Variants in GSX1 observed in about 807,000 individuals in gnomAD.
The protein encoded by GSX1 is GS homeobox 1, also known as GS homeo box protein 1.
In GSX1, 13 loss-of-function variants were observed where a neutral mutation model predicts 17.7. The observed-to-expected ratio is 0.74, with a 90% CI of 0.48 to 1.17. The LOEUF is 1.17. GSX1 is among the 50% of genes most tolerant of loss of function. The pLI, the probability that GSX1 is intolerant of heterozygous loss-of-function variation, is 0.00. For missense variants in GSX1, 371 were observed against 372.1 expected (o/e 1.00, Z 0.02); for synonymous variants, 202 against 176.2 (o/e 1.15, Z -1.16).
In GSX1 at chr13:27,794,036, G is replaced by A. The variant is rs1427305203; in HGVS notation, c.*88G>A. The stretch of plus-strand genomic sequence containing the variant: ...ACTCAGCGCTGATTCCCAGGCACCC[G>A]CAGCCAAACCACTGCCTGGCATGGA... On this transcript the variant is annotated 3_prime_UTR_variant, in exon 2 of 2. Coordinates refer to ENST00000302945, the MANE Select transcript of GSX1 (RefSeq NM_145657.3). The A allele has an allele frequency of 2.1e-6, 3 of 1,396,016 alleles. No homozygotes were observed. Among genetic ancestry groups the A allele is most frequent in the East Asian group, 2.3e-5 (1 of 43,034 alleles). 86.5% of individuals were successfully genotyped at this position (1,396,016 alleles called of 1,614,324 possible). A position where few individuals can be genotyped will look rare whatever the true frequency, so the allele number is the denominator to read the frequency against.
chr13:27,793,817 G>A lies in GSX1; in HGVS notation c.664G>A (p.Gly222Ser). 6.2e-7 allele frequency: 1 copy of A among 1,613,222 alleles called. No homozygotes were observed. Among genetic ancestry groups the A allele is most frequent in the Non-Finnish European group, 8.5e-7 (1 of 1,179,580 alleles). ...RGGGGGGAGG[G>S]GSAPQGCKCA... ...CGGCGGCGGCGGGGGTGCCGGTGGT[G>A]GCGGGAGCGCACCGCAAGGCTGCAA... The change falls in exon 2 of 2, where the codon GGC (glycine) becomes AGC (serine). Residue 222 changes from glycine (G) to serine (S), a missense_variant. Gly to Ser is a moderately conservative substitution (Grantham distance 56). Coordinates refer to ENST00000302945, the MANE Select transcript of GSX1 (RefSeq NM_145657.3). This position sits in a 1 kb window ranked among gnomAD's most constrained non-coding sequence, Gnocchi z 6.2.
In GSX1 at chr13:27,793,484, G is replaced by A. The variant is rs1446667572; in HGVS notation, c.413-82G>A. On this transcript the variant is annotated intron_variant, in intron 1 of 1. Coordinates refer to ENST00000302945, the MANE Select transcript of GSX1 (RefSeq NM_145657.3). This position sits in a 1 kb window ranked among gnomAD's most constrained non-coding sequence, Gnocchi z 6.2. Reference sequence around the variant, plus strand: ...AGATGGGTAAGAGGTCAAAGTCGTAGGATTCTGGCGACCGCCTACCAAGGG... The same window carrying A: ...AGATGGGTAAGAGGTCAAAGTCGTAAGATTCTGGCGACCGCCTACCAAGGG... 3.6e-6 allele frequency: 5 copies of A among 1,402,950 alleles called. No homozygotes were observed. Among genetic ancestry groups the A allele is most frequent in the African/African-American group, 2.9e-5 (2 of 70,114 alleles). The allele number at this position is 1,402,950 out of a possible 1,614,324, so 86.9% of individuals were successfully genotyped here. A position where few individuals can be genotyped will look rare whatever the true frequency, so the allele number is the denominator to read the frequency against.
chr13:27,793,846 C>T lies in GSX1; in HGVS notation c.693C>T (p.Cys231=), dbSNP rs1178716718. ...GGAGCGCACCGCAAGGCTGCAAGTG[C>T]GCATCGCTCTCCTCAGCCAAGTGCT... is the stretch of plus-strand genomic sequence containing the variant. The part of the protein sequence containing the change: ...GGGSAPQGCK[C]ASLSSAKCSE... Residue 231 remains cysteine, a synonymous_variant, in exon 2 of 2, where the codon TGC becomes TGT. Transcript: ENST00000302945. The surrounding 1 kb of genome is among the most constrained non-coding windows in gnomAD (Gnocchi z 6.2). 1.2e-6 allele frequency: 2 copies of T among 1,610,550 alleles called. No homozygotes were observed. The highest frequency in any genetic ancestry group is 1.7e-6 in the Non-Finnish European group (2 of 1,178,042).
In GSX1 at chr13:27,793,329, G is replaced by A. The variant is rs1281539407; in HGVS notation, c.412+227G>A. Among the ~76,000 whole-genome samples, 1 of 152,144 alleles carries A rather than the reference G, an allele frequency of 6.6e-6. No homozygotes were observed. The highest frequency in any genetic ancestry group is 2.4e-5 in the African/African-American group (1 of 41,424). ...CTGGAGTGTGGGCCGGGGTAAGTGAGGGCTGGGATCCAAGGCTCTCCATGA... is the reference window on the plus strand; with the variant it reads ...CTGGAGTGTGGGCCGGGGTAAGTGAAGGCTGGGATCCAAGGCTCTCCATGA... On this transcript the variant is annotated intron_variant, in intron 1 of 1. Transcript: ENST00000302945. This position sits in a 1 kb window ranked among gnomAD's most constrained non-coding sequence, Gnocchi z 6.2.
rs1179363530 is a variant in GSX1 at position 27,793,871 on chromosome 13, T to C, written c.718T>C (p.Ser240Pro). Residue 240 changes from serine (S) to proline (P), a missense_variant, in exon 2 of 2, where the codon TCC becomes CCC. Around this residue, in one of 3 missense-constraint regions of GSX1, gnomAD observed 92 missense variants for 70.0 expected, o/e 1.31. Transcript: ENST00000302945. This position sits in a 1 kb window ranked among gnomAD's most constrained non-coding sequence, Gnocchi z 6.2. ...KCASLSSAKC[S>P]EDDDELPMSP... ...CGCATCGCTCTCCTCAGCCAAGTGC[T>C]CCGAGGATGACGACGAATTGCCCAT... is the stretch of plus-strand genomic sequence containing the variant. 1 of 1,599,782 alleles carries C rather than the reference T, an allele frequency of 6.3e-7. No homozygotes were observed. The highest frequency in any genetic ancestry group is 1.7e-5 in the Admixed American group (1 of 59,224).
Position 27,793,521 on chromosome 13 carries a change from A to G in GSX1, c.413-45A>G. 8 of 1,559,062 alleles carry G rather than the reference A, an allele frequency of 5.1e-6. No homozygotes were observed. The highest frequency in any genetic ancestry group is 6.9e-6 in the Non-Finnish European group (8 of 1,156,330). ...CCGCCTACCAAGGGATTGGGTCCACAGCACAGAGGTCTGATCGCTTCCTTC... is the reference window on the plus strand; with the variant it reads ...CCGCCTACCAAGGGATTGGGTCCACGGCACAGAGGTCTGATCGCTTCCTTC... On this transcript the variant is annotated intron_variant, in intron 1 of 1. Coordinates refer to ENST00000302945, the MANE Select transcript of GSX1 (RefSeq NM_145657.3). This position sits in a 1 kb window ranked among gnomAD's most constrained non-coding sequence, Gnocchi z 6.2.
chr13:27,793,209 G>A lies in GSX1; in HGVS notation c.412+107G>A. 1.6e-6 allele frequency: 2 copies of A among 1,260,038 alleles called. No homozygotes were observed. Among genetic ancestry groups the A allele is most frequent in the East Asian group, 2.6e-5 (1 of 37,742 alleles). The allele number at this position is 1,260,038 out of a possible 1,614,324, so 78.1% of individuals were successfully genotyped here. ...CCTGGGCTTTCTGGGGGCGGTGAGG[G>A]TCATGTCGGGGACTAAGGGGGGCGC... On this transcript the variant is annotated intron_variant, in intron 1 of 1. Coordinates refer to ENST00000302945, the MANE Select transcript of GSX1 (RefSeq NM_145657.3). This position sits in a 1 kb window ranked among gnomAD's most constrained non-coding sequence, Gnocchi z 6.2.
chr13:27,793,583 C>A lies in GSX1; in HGVS notation c.430C>A (p.Leu144Met). 2 of 1,612,678 alleles carry A rather than the reference C, an allele frequency of 1.2e-6. No individual in the cohort carries two copies. Among genetic ancestry groups the A allele is most frequent in the Non-Finnish European group, 1.7e-6 (2 of 1,179,562 alleles). Residue 144 changes from leucine (L) to methionine (M), a missense_variant, in exon 2 of 2, where the codon CTG (leucine) becomes ATG (methionine). Transcript: ENST00000302945. The surrounding 1 kb of genome is among the most constrained non-coding windows in gnomAD (Gnocchi z 6.2). ...ACCTCCAGACAGCAGCTCTAACCAGCTGCCCAGCAGCAAGAGGATGCGCAC... is the reference window on the plus strand; with the variant it reads ...ACCTCCAGACAGCAGCTCTAACCAGATGCCCAGCAGCAAGAGGATGCGCAC... Reference protein sequence around the residue: ...CISVDSSSNQLPSSKRMRTAF... With the variant: ...CISVDSSSNQMPSSKRMRTAF...
Position 27,793,098 on chromosome 13 carries a change from T to C in GSX1, c.408T>C (p.Ser136=). Residue 136 remains serine (S), a synonymous_variant, in exon 1 of 2, where the codon TCT becomes TCC. Transcript: ENST00000302945. The surrounding 1 kb of genome is among the most constrained non-coding windows in gnomAD (Gnocchi z 6.2). The stretch of plus-strand genomic sequence containing the variant: ...ACCCCAGGCAGTTCCACTGCATCTC[T>C]GTGGGTAAGCGGGGCCGCCGCGCAG... The part of the protein sequence containing the change: ...LPDPRQFHCI[S]VDSSSNQLPS... 2 of 1,541,996 alleles carry C rather than the reference T, an allele frequency of 1.3e-6. No homozygotes were observed. Among genetic ancestry groups the C allele is most frequent in the East Asian group, 2.4e-5 (1 of 42,088 alleles).
rs202214336 is a variant in GSX1, at chr13:27,793,548, C to G, written c.413-18C>G. 8.1e-6 allele frequency: 13 copies of G among 1,597,574 alleles called. No individual in the cohort carries two copies. The East Asian group carries it at 2.9e-4, about 36-fold the overall frequency. ...CACAGAGGTCTGATCGCTTCCTTCT[C>G]TGCTCTGCCACCTCCAGACAGCAGC... On this transcript the variant is annotated intron_variant, in intron 1 of 1. Transcript: ENST00000302945. This position sits in a 1 kb window ranked among gnomAD's most constrained non-coding sequence, Gnocchi z 6.2.
Position 27,793,897 on chromosome 13 carries a change from G to T in GSX1, c.744G>T (p.Met248Ile). 1.9e-6 allele frequency: 3 copies of T among 1,582,268 alleles called. No homozygotes were observed. Among genetic ancestry groups the T allele is most frequent in the Non-Finnish European group, 2.6e-6 (3 of 1,162,430 alleles). ...CCGAGGATGACGACGAATTGCCCAT[G>T]TCTCCGTCCTCCTCAGGGAAGGACG... is the stretch of plus-strand genomic sequence containing the variant. ...KCSEDDDELPMSPSSSGKDDR... is the reference protein window; with the variant it reads ...KCSEDDDELPISPSSSGKDDR... Residue 248 changes from methionine to isoleucine, a missense_variant, in exon 2 of 2, where the codon ATG becomes ATT. This residue lies in a region of GSX1 where 92 missense variants were observed against 70.0 expected (regional missense o/e 1.31). Transcript: ENST00000302945. The surrounding 1 kb of genome is among the most constrained non-coding windows in gnomAD (Gnocchi z 6.2).
rs974396445 is a variant in GSX1, at chr13:27,793,849, A to C, written c.696A>C (p.Ala232=). The stretch of plus-strand genomic sequence containing the variant: ...GCGCACCGCAAGGCTGCAAGTGCGC[A>C]TCGCTCTCCTCAGCCAAGTGCTCCG... ...GGSAPQGCKC[A]SLSSAKCSED... The change falls in exon 2 of 2, where the codon GCA becomes GCC. Residue 232 remains alanine (A), a synonymous_variant. Transcript: ENST00000302945. This position sits in a 1 kb window ranked among gnomAD's most constrained non-coding sequence, Gnocchi z 6.2. The C allele has an allele frequency of 6.2e-7, 1 of 1,610,452 alleles. No homozygotes were observed.
chr13:27,793,027 G>T lies in GSX1; in HGVS notation c.337G>T (p.Ala113Ser). 6.3e-7 allele frequency: 1 copy of T among 1,583,178 alleles called. No individual in the cohort carries two copies. The highest frequency in any genetic ancestry group is 8.5e-7 in the Non-Finnish European group (1 of 1,172,406). ...CGGGGTCGCTCACGGCCCGGCCGCC[G>T]CTGCTGCTGCCGCCGCGCTCTACCA... Reference protein sequence around the residue: ...SPGVAHGPAAAAAAAALYQTS... With the variant: ...SPGVAHGPAASAAAAALYQTS... Residue 113 changes from alanine to serine, a missense_variant, in exon 1 of 2, where the codon GCT becomes TCT. Around this residue, in one of 3 missense-constraint regions of GSX1, gnomAD observed 212 missense variants for 193.9 expected, o/e 1.09. Transcript: ENST00000302945. The surrounding 1 kb of genome is among the most constrained non-coding windows in gnomAD (Gnocchi z 6.2).
chr13:27,793,006 G>A lies in GSX1; in HGVS notation c.316G>A (p.Val106Ile), dbSNP rs759222147. The change falls in exon 1 of 2, where the codon GTC (valine) becomes ATC (isoleucine). Residue 106 changes from valine (V) to isoleucine (I), a missense_variant. Coordinates refer to ENST00000302945, the MANE Select transcript of GSX1 (RefSeq NM_145657.3). The surrounding 1 kb of genome is among the most constrained non-coding windows in gnomAD (Gnocchi z 6.2). Reference protein sequence around the residue: ...GRQHSAVSPGVAHGPAAAAAA... With the variant: ...GRQHSAVSPGIAHGPAAAAAA... The stretch of plus-strand genomic sequence containing the variant: ...CCAGCACTCTGCTGTGTCGCCCGGG[G>A]TCGCTCACGGCCCGGCCGCCGCTGC... The A allele has an allele frequency of 6.4e-6, 10 of 1,573,636 alleles. No individual in the cohort carries two copies. In the Admixed American group the frequency reaches 8.9e-5, roughly 14 times the overall value.
rs1041092158 is a variant in GSX1, at chr13:27,794,624, A to G, written c.*676A>G. The G allele has an allele frequency of 2.0e-5, 3 of 151,736 alleles. No individual in the cohort carries two copies. Among genetic ancestry groups the G allele is most frequent in the Non-Finnish European group, 4.4e-5 (3 of 67,948 alleles). The allele number at this position is 151,736 out of a possible 1,614,324, so 9.4% of individuals were successfully genotyped here. A position where few individuals can be genotyped will look rare whatever the true frequency, so the allele number is the denominator to read the frequency against. On this transcript the variant is annotated 3_prime_UTR_variant, in exon 2 of 2. Coordinates refer to ENST00000302945, the MANE Select transcript of GSX1 (RefSeq NM_145657.3). The stretch of plus-strand genomic sequence containing the variant: ...CCCGTAGTATCCATATTGGGGAAAC[A>G]GATTTGCTCTGTTTCCAACACGCTC...
At position 27,793,619 on chromosome 13, in the gene GSX1, A is replaced by G; in HGVS notation, c.466A>G (p.Ser156Gly). 6.2e-7 allele frequency: 1 copy of G among 1,614,166 alleles called. No homozygotes were observed. Among genetic ancestry groups the G allele is most frequent in the Non-Finnish European group, 8.5e-7 (1 of 1,180,022 alleles). ...SSKRMRTAFTSTQLLELEREF... is the reference protein window; with the variant it reads ...SSKRMRTAFTGTQLLELEREF... ...CAAGAGGATGCGCACGGCTTTCACC[A>G]GCACGCAGCTGCTAGAGCTGGAGCG... The change falls in exon 2 of 2, where the codon AGC (serine) becomes GGC (glycine). Residue 156 changes from serine (S) to glycine (G), a missense_variant. Transcript: ENST00000302945. The surrounding 1 kb of genome is among the most constrained non-coding windows in gnomAD (Gnocchi z 6.2).
rs1957083391 is a variant in GSX1, at chr13:27,793,879, T to C, written c.726T>C (p.Asp242=). 1 of 1,594,108 alleles carries C rather than the reference T, an allele frequency of 6.3e-7. No homozygotes were observed. Among genetic ancestry groups the C allele is most frequent in the South Asian group, 1.1e-5 (1 of 87,550 alleles). The part of the protein sequence containing the change: ...ASLSSAKCSE[D]DDELPMSPSS... ...TCTCCTCAGCCAAGTGCTCCGAGGATGACGACGAATTGCCCATGTCTCCGT... is the reference window on the plus strand; with the variant it reads ...TCTCCTCAGCCAAGTGCTCCGAGGACGACGACGAATTGCCCATGTCTCCGT... The change falls in exon 2 of 2, where the codon GAT becomes GAC. Residue 242 remains aspartate, a synonymous_variant. Coordinates refer to ENST00000302945, the MANE Select transcript of GSX1 (RefSeq NM_145657.3). The surrounding 1 kb of genome is among the most constrained non-coding windows in gnomAD (Gnocchi z 6.2).
Position 27,794,301 on chromosome 13 carries a change from T to TCCTC in GSX1, c.*353_*354insCCTC. The TCCTC allele has an allele frequency of 4.4e-6, 1 of 226,378 alleles. No homozygotes were observed. Among genetic ancestry groups the TCCTC allele is most frequent in the Non-Finnish European group, 8.6e-6 (1 of 116,922 alleles). 14.0% of individuals were successfully genotyped at this position (226,378 alleles called of 1,614,324 possible). A position where few individuals can be genotyped will look rare whatever the true frequency, so the allele number is the denominator to read the frequency against. ...CTAGCCCGCCCTCTCTGGGCTGGCT[T>TCCTC]GGGCTTCCTCGCTTACTCTACTCTC... On this transcript the variant is annotated 3_prime_UTR_variant, in exon 2 of 2. Transcript: ENST00000302945.
Position 27,792,648 on chromosome 13 carries a change from C to A in GSX1, c.-43C>A, listed in dbSNP as rs1957072953. On this transcript the variant is annotated 5_prime_UTR_variant, in exon 1 of 2. Coordinates refer to ENST00000302945, the MANE Select transcript of GSX1 (RefSeq NM_145657.3). ...GTGGAGAGCCGAAAGGTGCGGTGGG[C>A]GCAGAGGGCGGGCTGGCTGCGGGGC... 1.5e-6 allele frequency: 2 copies of A among 1,334,198 alleles called. No individual in the cohort carries two copies. The highest frequency in any genetic ancestry group is 9.6e-7 in the Non-Finnish European group (1 of 1,046,740). 82.6% of individuals were successfully genotyped at this position (1,334,198 alleles called of 1,614,324 possible). A position where few individuals can be genotyped will look rare whatever the true frequency, so the allele number is the denominator to read the frequency against.
Sources: gnomAD v4.1 joint callset for allele counts (sites outside exome capture counted in the v4.1 genomes callset) on GRCh38, gnomAD v4.1.1 for gene constraint, gnomAD v4.1.1 regional missense constraint, Gnocchi (gnomAD v3.1) non-coding constraint, MANE v1.5 for transcripts, NCBI Gene and HGNC (gene_info 2026-07-23, HGNC 2026-07-21) for gene names.